The following PTPRD variants were observed in gnomAD, a reference collection of about 807,000 sequenced individuals.
PTPRD encodes the protein receptor-type tyrosine-protein phosphatase delta.
In PTPRD, 34 loss-of-function variants were observed where a neutral mutation model predicts 214.5. The ratio of observed to expected loss-of-function variants is 0.16; its 90% CI spans 0.12 to 0.21. The LOEUF (loss-of-function observed/expected upper bound fraction) is 0.21, where lower values mean the gene tolerates loss of function less well. Ranked by LOEUF, PTPRD falls within the 10% of genes least tolerant of loss-of-function variation. PTPRD has a pLI of 1.00. For synonymous variants in PTPRD, 1,128 were observed against 845.7 expected, an observed-to-expected ratio of 1.33 and a Z score of -5.79; for missense variants, 2,545 against 2,398.7, an observed-to-expected ratio of 1.06 and a Z score of -1.27.
At chr9:9,598,025 C>T (rs191760606) in intron 7 of PTPRD, among the ~76,000 whole-genome samples, 1 of 152,102 alleles carries the variant, frequency 6.6e-6, no homozygotes, top group Admixed American at 6.6e-5. Context: ...TTCCTGCAAA[C>T]TGTCCTGCCA....
intron 5 of PTPRD, among the ~76,000 whole-genome samples, chr9:9,923,686 T>A (rs1195833218): frequency 6.6e-6 from 1 of 151,980 alleles, no homozygotes; most frequent in Non-Finnish European, 1.5e-5. Flanking sequence ...AATCTTCAAC[T>A]TAAAATCTCA....
At chr9:10,135,963 C>A (rs1484074668) in intron 3 of PTPRD, among the ~76,000 whole-genome samples, 1 of 149,772 alleles carries the variant, frequency 6.7e-6, no homozygotes, top group African/African-American at 2.5e-5. Context: ...AAAATAAGGC[C>A]CAACCAGCTA....
chr9:9,593,687 T>C (rs2092996350), intron 7 of PTPRD, among the ~76,000 whole-genome samples: 2 of 151,934 alleles, frequency 1.3e-5, no homozygotes, highest in Non-Finnish European at 2.9e-5. Flanking sequence ...AAGTTAGAAC[T>C]AGGGGAGAAC....
At chr9:8,608,357 A>C (rs1039368138) in intron 14 of PTPRD, among the ~76,000 whole-genome samples, 3 of 152,194 alleles carry the variant, frequency 2.0e-5, no homozygotes, top group African/African-American at 4.8e-5. Flanking sequence ...AAGGGCCAGC[A>C]TATGGTATTC....
intron 5 of PTPRD, among the ~76,000 whole-genome samples, chr9:9,799,085 T>C (rs1000048235): frequency 6.6e-6 from 1 of 152,200 alleles, no homozygotes; most frequent in East Asian, 1.9e-4. Flanking sequence ...ATATATCTTA[T>C]CTACACATTT....
chr9:9,258,245 C>A (rs2099978610), intron 9 of PTPRD, among the ~76,000 whole-genome samples: 1 of 151,816 alleles, frequency 6.6e-6, no homozygotes, highest in Admixed American at 6.6e-5. Flanking sequence ...TAATTTACAT[C>A]TTAGTGAAAT....
intron 8 of PTPRD, among the ~76,000 whole-genome samples, chr9:9,482,147 A>G (rs1401732044): frequency 6.6e-6 from 1 of 151,938 alleles, no homozygotes; most frequent in Non-Finnish European, 1.5e-5. Context: ...AGGTTGGGAG[A>G]GTAAGATCTT....
At chr9:10,478,616 T>C (rs1266732687) in intron 2 of PTPRD, among the ~76,000 whole-genome samples, 1 of 152,180 alleles carries the variant, frequency 6.6e-6, no homozygotes, top group Non-Finnish European at 1.5e-5. Flanking sequence ...GTCTGATTTC[T>C]TTTCCAGCTG....
intron 2 of PTPRD, among the ~76,000 whole-genome samples, chr9:10,460,653 T>G (rs1363557266): frequency 6.6e-6 from 1 of 152,084 alleles, no homozygotes; most frequent in East Asian, 1.9e-4. Flanking sequence ...TTTGCTGGAT[T>G]TACATATCTG....
At chr9:8,928,880 G>A (rs1003130559) in intron 11 of PTPRD, among the ~76,000 whole-genome samples, 4 of 152,092 alleles carry the variant, frequency 2.6e-5, no homozygotes, top group African/African-American at 9.7e-5. Flanking sequence ...GCAGTGGTTT[G>A]CAGTTCTGCC....
At chr9:9,139,412 CTG>C (rs2154479897) in intron 10 of PTPRD, among the ~76,000 whole-genome samples, 1 of 152,288 alleles carries the variant, frequency 6.6e-6, no homozygotes, top group Non-Finnish European at 1.5e-5. Flanking sequence ...GAAGACTTAA[CTG>C]TACTTACATC....
chr9:10,290,441 A>G (rs1486822820), intron 3 of PTPRD, among the ~76,000 whole-genome samples: 1 of 152,156 alleles, frequency 6.6e-6, no homozygotes, highest in African/African-American at 2.4e-5. Context: ...ATTTGCTTTC[A>G]GGATTATGGT....
chr9:8,529,000 C>T (rs2074979416), intron 14 of PTPRD, among the ~76,000 whole-genome samples: 2 of 151,912 alleles, frequency 1.3e-5, no homozygotes, highest in African/African-American at 4.8e-5. Flanking sequence ...TCAGACGGGG[C>T]CGACTATGAT....
chr9:9,877,223 C>A (rs1435170542), intron 5 of PTPRD, among the ~76,000 whole-genome samples: 3 of 152,086 alleles, frequency 2.0e-5, no homozygotes, highest in African/African-American at 7.2e-5. Flanking sequence ...ACTGGTAATG[C>A]AGGTAATTCT....
At chr9:10,395,860 T>A (rs1565767752) in intron 2 of PTPRD, among the ~76,000 whole-genome samples, 2 of 151,894 alleles carry the variant, frequency 1.3e-5, no homozygotes, top group Non-Finnish European at 1.5e-5. Context: ...ATAAATGAAT[T>A]GTTTGTTCCT....
At chr9:9,589,178 C>T (rs1326746989) in intron 7 of PTPRD, among the ~76,000 whole-genome samples, 1 of 151,812 alleles carries the variant, frequency 6.6e-6, no homozygotes, top group Non-Finnish European at 1.5e-5. Flanking sequence ...ACCAATACAA[C>T]AGTAGTTTAT....
chr9:10,417,089 G>A (rs2098498472), intron 2 of PTPRD, among the ~76,000 whole-genome samples: 1 of 151,816 alleles, frequency 6.6e-6, no homozygotes, highest in South Asian at 2.1e-4. Context: ...CTGTGGGGTT[G>A]CAGATGTTTT....
At chr9:9,803,228 C>T (rs1205069383) in intron 5 of PTPRD, among the ~76,000 whole-genome samples, 1 of 150,170 alleles carries the variant, frequency 6.7e-6, no homozygotes, top group Non-Finnish European at 1.5e-5. Context: ...TTCACCTTCA[C>T]TGAACTGGAC....
intron 7 of PTPRD, among the ~76,000 whole-genome samples, chr9:9,646,902 A>T (rs549342233): frequency 3.9e-5 from 6 of 152,214 alleles, no homozygotes; most frequent in Non-Finnish European, 8.8e-5. Context: ...ACCTTGTTGT[A>T]CTATACCACA....
Sources: allele counts gnomAD v4.1 joint callset (sites outside exome capture counted in the v4.1 genomes callset), GRCh38; gene constraint gnomAD v4.1.1; transcripts MANE v1.5; gene names NCBI Gene and HGNC (gene_info 2026-07-23, HGNC 2026-07-21).